The following CYP4F8 variants were observed in gnomAD, a reference collection of about 807,000 sequenced individuals.
The protein encoded by CYP4F8 is cytochrome P450 4F8.
In CYP4F8, 56 loss-of-function variants were observed where a neutral mutation model predicts 55.0. The ratio of observed to expected loss-of-function variants is 1.02; its 90% confidence interval spans 0.82 to 1.27. The LOEUF is 1.27. CYP4F8 is among the 50% of genes most tolerant of loss of function. CYP4F8 has a pLI of 0.00. For synonymous variants in CYP4F8, 288 were observed against 267.3 expected (o/e 1.08, Z -0.76); for missense variants, 680 against 682.4 (o/e 1.00, Z 0.04).
intron 6 of CYP4F8, 63 bp from the exon 7 acceptor site, chr19:15,623,042 A>T: frequency 6.5e-7 from 1 of 1,548,638 alleles, no homozygotes; most frequent in Non-Finnish European, 8.8e-7. Context: ...TTCTGGCTGG[A>T]AGGTGCTCCC....
chr19:15,616,920 T>C (rs185492348), intron 2 of CYP4F8, among the ~76,000 whole-genome samples: 3 of 141,084 alleles, frequency 2.1e-5, no homozygotes, highest in Non-Finnish European at 1.6e-5. Context: ...ACGGACTAGC[T>C]CTGAGCTTGA....
At chr19:15,623,044 G>T in intron 6 of CYP4F8, 61 bp from the exon 7 acceptor site, 1 of 1,552,444 alleles carries the variant, frequency 6.4e-7, no homozygotes, top group Non-Finnish European at 8.7e-7. Flanking sequence ...CTGGCTGGAA[G>T]GTGCTCCCAG....
At chr19:15,629,034 T>A (rs1359147928) in intron 12 of CYP4F8, among the ~76,000 whole-genome samples, 159 bp from the exon 13 acceptor site, 2 of 152,166 alleles carry the variant, frequency 1.3e-5, no homozygotes, top group Non-Finnish European at 2.9e-5. Flanking sequence ...GGCTAGGCTC[T>A]GGGAATATGC....
Position 15,629,572 on chromosome 19 carries a change from A to G in CYP4F8, c.*214A>G. The G allele has an allele frequency of 1.7e-6, 1 of 592,892 alleles. No homozygotes were observed. The highest frequency in any genetic ancestry group is 2.7e-6 in the Non-Finnish European group (1 of 366,928). 36.7% of individuals were successfully genotyped at this position (592,892 alleles called of 1,614,324 possible). A position where few individuals can be genotyped will look rare whatever the true frequency, so the allele number is the denominator to read the frequency against. On this transcript the variant is annotated 3_prime_UTR_variant, in exon 13 of 13. Coordinates refer to ENST00000612078, the MANE Select transcript of CYP4F8 (RefSeq NM_007253.4). ...AAGATACTCACTGCCTCTCTGGGTG[A>G]GCACAGGAGCCCCGTGCTGAGGGTG...
intron 5 of CYP4F8, among the ~76,000 whole-genome samples, chr19:15,620,071 C>T (rs1344373238): frequency 6.6e-6 from 1 of 152,210 alleles, no homozygotes; most frequent in Non-Finnish European, 1.5e-5. Flanking sequence ...CAGATCACTT[C>T]AAAACTAATT....
intron 2 of CYP4F8, among the ~76,000 whole-genome samples, chr19:15,616,097 C>CTCCTCA (rs1555736595): frequency 6.8e-3 from 428 of 63,056 alleles, no homozygotes; most frequent in South Asian, 0.012. Flanking sequence ...CACTCATTCT[C>CTCCTCA]CTCACTCATT....
Position 15,629,228 on chromosome 19 carries a change from T to G in CYP4F8, c.1433T>G (p.Met478Arg). 1 of 1,612,844 alleles carries G rather than the reference T, an allele frequency of 6.2e-7. No homozygotes were observed. The highest frequency in any genetic ancestry group is 1.1e-5 in the South Asian group (1 of 90,808). ...GGGCAGAAGTTCGCGATGGCAGAGATGAAGGTGGTCCTGGCGCTCACGCTG... is the reference window on the plus strand; with the variant it reads ...GGGCAGAAGTTCGCGATGGCAGAGAGGAAGGTGGTCCTGGCGCTCACGCTG... ...CIGQKFAMAE[M>R]KVVLALTLLR... The change falls in exon 13 of 13, where the codon ATG becomes AGG. Residue 478 changes from methionine to arginine, a missense_variant. By Grantham distance (91) the Met-to-Arg change is moderately conservative. Coordinates refer to ENST00000612078, the MANE Select transcript of CYP4F8 (RefSeq NM_007253.4).
At chr19:15,618,457 A>G (rs544570088) in intron 3 of CYP4F8, 5 of 440,782 alleles carry the variant, frequency 1.1e-5, no homozygotes, top group African/African-American at 6.0e-5. Context: ...CCCCAACTTC[A>G]TGGGGTTCAG....
intron 12 of CYP4F8, 68 bp from the exon 13 acceptor site, chr19:15,629,125 G>C (rs2239365): frequency 0.73 from 1,102,165 of 1,502,262 alleles, 405,064 homozygotes; most frequent in Admixed American, 0.78. Flanking sequence ...TTCCGGGCCT[G>C]GTTCCTGGCG....
At chr19:15,622,779 T>C in intron 6 of CYP4F8, 2 of 429,756 alleles carry the variant, frequency 4.7e-6, no homozygotes, top group South Asian at 4.8e-5. Flanking sequence ...AGATTGACTG[T>C]CATGTAGACA....
chr19:15,617,584 G>T (rs955283655), intron 2 of CYP4F8, among the ~76,000 whole-genome samples: 2 of 152,098 alleles, frequency 1.3e-5, no homozygotes, highest in Non-Finnish European at 2.9e-5. Context: ...AGACAGAAGA[G>T]GGCATTTATT....
rs985328668 is a variant in CYP4F8 at position 15,629,880 on chromosome 19, G to A, written c.*522G>A. ...CTCCCCTCTTCCTTCCTGCTGCTTG[G>A]AAGATTTTTTTTTTTTTTTGAGACA... On this transcript the variant is annotated 3_prime_UTR_variant, in exon 13 of 13. Transcript: ENST00000612078. 2 of 86,736 alleles carry A rather than the reference G, an allele frequency of 2.3e-5. No individual in the cohort carries two copies. Among genetic ancestry groups the A allele is most frequent in the Admixed American group, 2.7e-4 (2 of 7,352 alleles). The allele number at this position is 86,736 out of a possible 1,614,324, so 5.4% of individuals were successfully genotyped here.
chr19:15,628,514 C>G lies in CYP4F8; in HGVS notation c.1250-17C>G, dbSNP rs781356803. The G allele has an allele frequency of 8.7e-6, 14 of 1,613,572 alleles. No homozygotes were observed. Among genetic ancestry groups the G allele is most frequent in the Non-Finnish European group, 1.1e-5 (13 of 1,179,740 alleles). On this transcript the variant is annotated splice_polypyrimidine_tract_variant and intron_variant, in intron 10 of 12. Coordinates refer to ENST00000612078, the MANE Select transcript of CYP4F8 (RefSeq NM_007253.4). ...GCAGCTCGGACCTTGTTCTTACTGT[C>G]CTCTCCTGCACGACAGGGAATGTCT... is the stretch of plus-strand genomic sequence containing the variant.
In CYP4F8 at chr19:15,629,478, AG is replaced by A; in HGVS notation, c.*125del. 1 of 1,365,810 alleles carries A rather than the reference AG, an allele frequency of 7.3e-7. No individual in the cohort carries two copies. The highest frequency in any genetic ancestry group is 2.1e-4 in the Middle Eastern group (1 of 4,846). The allele number at this position is 1,365,810 out of a possible 1,614,324, so 84.6% of individuals were successfully genotyped here. On this transcript the variant is annotated 3_prime_UTR_variant, in exon 13 of 13. Transcript: ENST00000612078. ...TGCCTCAGTCCCGCGGATGGCCAGT[AG>A]GGGGCGCTGGAGGACTGCGGGGATC... is the stretch of plus-strand genomic sequence containing the variant.
chr19:15,625,724 A>C (rs2144610200), intron 9 of CYP4F8, among the ~76,000 whole-genome samples: 1 of 152,172 alleles, frequency 6.6e-6, no homozygotes, highest in African/African-American at 2.4e-5. Flanking sequence ...TTAATTAATA[A>C]ATTTTTTGGA....
chr19:15,623,279 G>T lies in CYP4F8; in HGVS notation c.822G>T (p.Arg274=). The change falls in exon 7 of 13, where the codon CGG becomes CGT. Residue 274 remains arginine, a synonymous_variant. Coordinates refer to ENST00000612078, the MANE Select transcript of CYP4F8 (RefSeq NM_007253.4). ...TCACAGATGCCGTCATCCAGGAGCG[G>T]CGCCGCACCCTCACTAGCCAGGGTG... ...HDFTDAVIQE[R]RRTLTSQGVD... The T allele has an allele frequency of 6.2e-7, 1 of 1,614,064 alleles. No homozygotes were observed. The highest frequency in any genetic ancestry group is 1.6e-4 in the Middle Eastern group (1 of 6,062).
chr19:15,623,381 C>T lies in CYP4F8; in HGVS notation c.918+6C>T, dbSNP rs903598805. ...ATGTGCTCCTGCTGAGCGAGGTGGG[C>T]CTCTCTGGGATCTGAATTCAAGAGG... On this transcript the variant is annotated splice_donor_region_variant and intron_variant, in intron 7 of 12. Transcript: ENST00000612078. 1.2e-6 allele frequency: 2 copies of T among 1,612,368 alleles called. No individual in the cohort carries two copies. Among genetic ancestry groups the T allele is most frequent in the Non-Finnish European group, 1.7e-6 (2 of 1,178,718 alleles).
At chr19:15,620,071 CA>C (rs1411462898) in intron 5 of CYP4F8, among the ~76,000 whole-genome samples, 3 of 152,210 alleles carry the variant, frequency 2.0e-5, no homozygotes. Flanking sequence ...CAGATCACTT[CA>C]AAACTAATTG....
intron 1 of CYP4F8, 37 bp from the exon 2 acceptor site, chr19:15,615,579 C>G (rs1972103948): frequency 6.2e-7 from 1 of 1,606,600 alleles, no homozygotes; most frequent in Non-Finnish European, 8.5e-7. Flanking sequence ...CTTTCCTAGG[C>G]CTCAGGACCT....
Sources: allele counts gnomAD v4.1 joint callset (sites outside exome capture counted in the v4.1 genomes callset), GRCh38; gene constraint gnomAD v4.1.1; transcripts MANE v1.5; gene names NCBI Gene and HGNC (gene_info 2026-07-23, HGNC 2026-07-21).